Variants in JADE1 observed in about 807,000 individuals in gnomAD.
JADE1 encodes jade family PHD finger 1.
Under a neutral mutation model 81.8 loss-of-function variants are expected in JADE1, and 14 were observed. The observed-to-expected ratio is 0.17, with a 90% CI of 0.11 to 0.27. The LOEUF (loss-of-function observed/expected upper bound fraction) is 0.27. Ranked by LOEUF, JADE1 falls within the 10% of genes least tolerant of loss-of-function variation. JADE1 has a pLI of 1.00. For missense variants in JADE1, 690 were observed against 1,047.9 expected, an observed-to-expected ratio of 0.66 and a Z score of 4.71; for synonymous variants, 353 against 391.9, an observed-to-expected ratio of 0.90 and a Z score of 1.17.
At chr4:128,810,307 A>T (rs77730235) in intron 1 of JADE1, 1 of 147,464 alleles carries the variant, frequency 6.8e-6, no homozygotes, top group Middle Eastern at 3.5e-3. Flanking sequence ...TTTTATTATG[A>T]TTTTTTTTTT....
At chr4:128,814,564 T>C (rs1243095079) in intron 1 of JADE1, among the ~76,000 whole-genome samples, 2 of 151,498 alleles carry the variant, frequency 1.3e-5, no homozygotes, top group Admixed American at 1.3e-4. Context: ...GTAAGGATTT[T>C]TTCTTTTTTT....
intron 2 of JADE1, among the ~76,000 whole-genome samples, chr4:128,832,313 C>G (rs1436598504): frequency 6.6e-6 from 1 of 152,170 alleles, no homozygotes; most frequent in African/African-American, 2.4e-5. Context: ...TATCTCAGCT[C>G]TCTGGCAACT....
chr4:128,810,944 C>G (rs2217023), intron 1 of JADE1, among the ~76,000 whole-genome samples: 117,512 of 152,066 alleles, frequency 0.77, 46,474 homozygotes, highest in South Asian at 0.92. Flanking sequence ...TTGGCACCAT[C>G]TGCAAATTGT....
At chr4:128,864,725 A>G (rs1282047972) in intron 9 of JADE1, 2 of 411,568 alleles carry the variant, frequency 4.9e-6, no homozygotes, top group Non-Finnish European at 6.5e-6. Context: ...TGTGACTACA[A>G]TCAAGGCATA....
intron 1 of JADE1, chr4:128,811,307 G>C (rs1212434712): frequency 6.6e-6 from 1 of 152,484 alleles, no homozygotes; most frequent in Non-Finnish European, 1.5e-5. Context: ...GGCGGAGCGC[G>C]GCGGCGGGAG....
At chr4:128,844,064 T>C (rs17013787) in intron 3 of JADE1, among the ~76,000 whole-genome samples, 3,401 of 152,342 alleles carry the variant, frequency 0.022, 111 homozygotes, top group African/African-American at 0.073. Context: ...GAACCTTTAG[T>C]GCTCTCTTCC....
chr4:128,845,248 C>A (rs2016294), intron 3 of JADE1, among the ~76,000 whole-genome samples: 2 of 151,986 alleles, frequency 1.3e-5, no homozygotes, highest in African/African-American at 2.4e-5. Context: ...TGCCACAGGC[C>A]CAGGAGTCTG....
rs374761342 is a variant in JADE1 at position 128,862,021 on chromosome 4, G to A, written c.1299G>A (p.Leu433=). ...LEDEFYTFVN[L]LDVARALRLP... is the part of the protein sequence containing the mutation. ...ATGAGTTCTACACCTTCGTCAACCT[G>A]CTGGATGTTGCCAGGGCTCTGCGGC... Residue 433 remains leucine (L), a synonymous_variant, in exon 9 of 11, where the codon CTG becomes CTA. Transcript: ENST00000226319. 1.9e-6 allele frequency: 3 copies of A among 1,614,080 alleles called. No homozygotes were observed. In the African/African-American group the frequency reaches 4.0e-5, roughly 22 times the overall value.
At position 128,873,743 on chromosome 4, in the gene JADE1, T is replaced by C. The variant is rs1732376307; in HGVS notation, c.*1481T>C. ...CTCCTTAGTTTGTTAATACCAGTAT[T>C]CAGATTCCTGATTCATTTATACATC... is the stretch of plus-strand genomic sequence containing the variant. On this transcript the variant is annotated 3_prime_UTR_variant, in exon 11 of 11. Transcript: ENST00000226319. 3.9e-5 allele frequency: 6 copies of C among 152,542 alleles called. No individual in the cohort carries two copies. The South Asian group carries it at 1.2e-3, about 32-fold the overall frequency. 9.4% of individuals were successfully genotyped at this position (152,542 alleles called of 1,614,324 possible).
At chr4:128,828,309 A>G (rs977192401) in intron 1 of JADE1, among the ~76,000 whole-genome samples, 1 of 152,222 alleles carries the variant, frequency 6.6e-6, no homozygotes, top group Non-Finnish European at 1.5e-5. Flanking sequence ...AGGAAAGGTG[A>G]TGATGCAGAT....
intron 8 of JADE1, among the ~76,000 whole-genome samples, chr4:128,858,160 T>C (rs1335397931): frequency 6.6e-6 from 1 of 152,170 alleles, no homozygotes; most frequent in Non-Finnish European, 1.5e-5. Context: ...GCCTGCCTGC[T>C]TTTGCATATC....
At chr4:128,863,634 G>A (rs1005256626) in intron 9 of JADE1, 2 of 985,342 alleles carry the variant, frequency 2.0e-6, no homozygotes, top group Non-Finnish European at 2.4e-6. Flanking sequence ...GGATCCTGGA[G>A]CAGTTTTGTG....
At chr4:128,848,846 A>G (rs1363030115) in intron 4 of JADE1, 134 bp from the exon 5 acceptor site, 3 of 775,270 alleles carry the variant, frequency 3.9e-6, no homozygotes, top group Admixed American at 5.0e-5. Flanking sequence ...TAGCAGTGAC[A>G]TTCAGGTTTT....
chr4:128,853,201 A>G (rs1212017203), intron 6 of JADE1, among the ~76,000 whole-genome samples: 1 of 152,160 alleles, frequency 6.6e-6, no homozygotes, highest in African/African-American at 2.4e-5. Flanking sequence ...TTAGAAGGGT[A>G]CCAGTCGTAT....
chr4:128,829,073 G>A (rs1728314472), intron 1 of JADE1, among the ~76,000 whole-genome samples: 2 of 152,262 alleles, frequency 1.3e-5, no homozygotes, highest in South Asian at 4.2e-4. Flanking sequence ...GGACCCAGAG[G>A]TGCATTCTCT....
rs541779413 is a variant in JADE1, at chr4:128,864,000, G to T, written c.1503+1775G>T. The T allele has an allele frequency of 3.0e-6, 3 of 985,134 alleles. No homozygotes were observed. The Admixed American group carries it at 1.8e-4, about 61-fold the overall frequency. 61.0% of individuals were successfully genotyped at this position (985,134 alleles called of 1,614,324 possible). A position where few individuals can be genotyped will look rare whatever the true frequency, so the allele number is the denominator to read the frequency against. On this transcript the variant is annotated intron_variant, in intron 9 of 10. Transcript: ENST00000226319. ...ACTTCTAATTCTAAACATTTTTTTT[G>T]GAGTCATCACTGTCGCTGTTTAAGT...
intron 1 of JADE1, chr4:128,812,076 G>T: frequency 6.6e-6 from 1 of 152,306 alleles, no homozygotes; most frequent in South Asian, 2.0e-4. Context: ...AACTGGGGCC[G>T]AGCGGATTGG....
chr4:128,869,565 G>C (rs1732035629), intron 10 of JADE1, among the ~76,000 whole-genome samples: 1 of 152,152 alleles, frequency 6.6e-6, no homozygotes, highest in Non-Finnish European at 1.5e-5. Flanking sequence ...TTTTCATCTG[G>C]TTTCATTTGA....
chr4:128,852,639 GC>G (rs1363421221), intron 6 of JADE1, among the ~76,000 whole-genome samples: 2 of 152,196 alleles, frequency 1.3e-5, no homozygotes, highest in Non-Finnish European at 2.9e-5. Context: ...TGGTTAGTGT[GC>G]TGTATTAGTT....
Sources: allele counts gnomAD v4.1 joint callset (sites outside exome capture counted in the v4.1 genomes callset), GRCh38; gene constraint gnomAD v4.1.1; transcripts MANE v1.5; gene names NCBI Gene and HGNC (gene_info 2026-07-23, HGNC 2026-07-21).